NPAS3: variants seen among roughly 807,000 people sequenced by gnomAD.
The protein encoded by NPAS3 is neuronal PAS domain-containing protein 3.
NPAS3 carries 14 observed loss-of-function variants against 73.1 expected under a neutral mutation model. That is an observed-to-expected ratio of 0.19 (90% CI 0.13 to 0.30). The LOEUF (loss-of-function observed/expected upper bound fraction) is 0.30. Among genes scored for constraint, NPAS3 ranks in the 10% least tolerant of loss-of-function variants. NPAS3 has a pLI of 1.00. For synonymous variants in NPAS3, 620 were observed against 541.5 expected (o/e 1.14, Z -2.01); for missense variants, 1,096 against 1,250.0 (o/e 0.88, Z 1.86).
At chr14:33,381,072 C>G (rs1185630098) in intron 4 of NPAS3, among the ~76,000 whole-genome samples, 1 of 151,478 alleles carries the variant, frequency 6.6e-6, no homozygotes, top group African/African-American at 2.4e-5. Context: ...ATATCAATGA[C>G]TATTTTAATT....
intron 2 of NPAS3, among the ~76,000 whole-genome samples, chr14:33,148,986 G>GGGCCT (rs1461939475): frequency 6.6e-6 from 1 of 152,102 alleles, no homozygotes; most frequent in Admixed American, 6.5e-5. Context: ...GCGAGCCACC[G>GGGCCT]GGCCTGGCCT....
At chr14:33,069,574 T>C (rs1423888481) in intron 2 of NPAS3, among the ~76,000 whole-genome samples, 1 of 152,184 alleles carries the variant, frequency 6.6e-6, no homozygotes, top group East Asian at 1.9e-4. Context: ...CTTGAACAAG[T>C]TACTTAAGCT....
intron 2 of NPAS3, among the ~76,000 whole-genome samples, chr14:33,204,548 C>G (rs1336862174): frequency 6.6e-6 from 1 of 152,072 alleles, no homozygotes; most frequent in African/African-American, 2.4e-5. Flanking sequence ...TATACGTTTT[C>G]TCCTCCGTAA....
intron 1 of NPAS3, among the ~76,000 whole-genome samples, chr14:33,012,930 G>T (rs780778553): frequency 3.9e-5 from 6 of 152,156 alleles, no homozygotes; most frequent in Non-Finnish European, 7.4e-5. Flanking sequence ...CAGATTTGTT[G>T]ATTAGTATCA....
chr14:33,680,560 A>C, intron 6 of NPAS3: 1 of 700,294 alleles, frequency 1.4e-6, no homozygotes, highest in Non-Finnish European at 2.6e-6. Flanking sequence ...TAGCTTTTTC[A>C]TTTTCATGTT....
intron 3 of NPAS3, among the ~76,000 whole-genome samples, chr14:33,303,576 A>G (rs1477796457): frequency 3.3e-5 from 5 of 152,114 alleles, no homozygotes; most frequent in Non-Finnish European, 7.4e-5. Flanking sequence ...TTGGGGAACA[A>G]TGGAAGATGG....
At chr14:33,196,654 A>C (rs1299838989) in intron 2 of NPAS3, among the ~76,000 whole-genome samples, 1 of 152,240 alleles carries the variant, frequency 6.6e-6, no homozygotes, top group Non-Finnish European at 1.5e-5. Context: ...ATTGACATAG[A>C]ATAAAGAGAC....
At chr14:33,134,396 T>G (rs192372289) in intron 2 of NPAS3, among the ~76,000 whole-genome samples, 6 of 152,276 alleles carry the variant, frequency 3.9e-5, no homozygotes, top group Admixed American at 3.9e-4. Context: ...TGAGGGAATT[T>G]TCATCCTTAA....
chr14:33,788,510 A>T (rs1479050773), intron 9 of NPAS3, among the ~76,000 whole-genome samples: 4 of 152,200 alleles, frequency 2.6e-5, no homozygotes, highest in African/African-American at 9.7e-5. Context: ...ACCGCTTTTG[A>T]TATGTGTTCT....
intron 3 of NPAS3, among the ~76,000 whole-genome samples, chr14:33,354,934 CCT>C (rs1371739786): frequency 4.6e-5 from 7 of 152,280 alleles, no homozygotes; most frequent in Non-Finnish European, 8.8e-5. Flanking sequence ...ACAGTTCCAC[CCT>C]CTGCACCGTG....
chr14:33,373,621 G>T (rs566216963), intron 4 of NPAS3, among the ~76,000 whole-genome samples: 4 of 152,186 alleles, frequency 2.6e-5, no homozygotes, highest in Admixed American at 6.5e-5. Context: ...AGAATAAAAA[G>T]AATGTTCTGT....
At chr14:33,373,489 T>C (rs1176877988) in intron 4 of NPAS3, among the ~76,000 whole-genome samples, 1 of 152,098 alleles carries the variant, frequency 6.6e-6, no homozygotes, top group Non-Finnish European at 1.5e-5. Flanking sequence ...AGATAGTCTT[T>C]ATTCATCACT....
intron 9 of NPAS3, among the ~76,000 whole-genome samples, chr14:33,783,006 G>A (rs1443083658): frequency 6.6e-6 from 1 of 152,106 alleles, no homozygotes; most frequent in Non-Finnish European, 1.5e-5. Flanking sequence ...GCTTAATGCG[G>A]GACTAATTAG....
In NPAS3 at chr14:33,578,736, A is replaced by G. The variant is rs372115479; in HGVS notation, c.558+18526A>G. Among the ~76,000 whole-genome samples the G allele has an allele frequency of 3.9e-5, 6 of 152,256 alleles. No individual in the cohort carries two copies. In the South Asian group the frequency reaches 8.3e-4, roughly 21 times the overall value. ...CTGTTTCAGTCTTCCACTTTAATCAACCAAGAGGAGGCATGACTAGGATCA... is the reference window on the plus strand; with the variant it reads ...CTGTTTCAGTCTTCCACTTTAATCAGCCAAGAGGAGGCATGACTAGGATCA... On this transcript the variant is annotated intron_variant, in intron 5 of 11. Coordinates refer to ENST00000356141, the Ensembl canonical transcript of NPAS3.
chr14:33,615,826 C>G (rs1352236750), intron 5 of NPAS3, among the ~76,000 whole-genome samples: 1 of 152,158 alleles, frequency 6.6e-6, no homozygotes, highest in Non-Finnish European at 1.5e-5. Context: ...CCCTACATAT[C>G]AACCTAGTTT....
At chr14:32,935,599 G>A (rs753057451), upstream of NPAS3, among the ~76,000 whole-genome samples, 4 of 152,150 alleles carry the variant, frequency 2.6e-5, no homozygotes, top group Non-Finnish European at 4.4e-5. Flanking sequence ...TAAGATTCAG[G>A]GATACAAGTT....
At chr14:33,715,203 C>T (rs1213098505) in intron 6 of NPAS3, among the ~76,000 whole-genome samples, 1 of 152,146 alleles carries the variant, frequency 6.6e-6, no homozygotes, top group Non-Finnish European at 1.5e-5. Flanking sequence ...CAGTTTCTGG[C>T]TTGTGTTTGT....
intron 6 of NPAS3, among the ~76,000 whole-genome samples, chr14:33,712,823 T>C (rs1180007039): frequency 6.6e-6 from 1 of 152,092 alleles, no homozygotes; most frequent in East Asian, 1.9e-4. Context: ...GTAAACAAGG[T>C]ATAGCACATG....
chr14:33,453,439 G>A (rs2049890696), intron 4 of NPAS3, among the ~76,000 whole-genome samples: 1 of 152,184 alleles, frequency 6.6e-6, no homozygotes, highest in African/African-American at 2.4e-5. Flanking sequence ...AAAGGGCTTT[G>A]TGGGTTTTTT....
Sources: allele counts gnomAD v4.1 joint callset (sites outside exome capture counted in the v4.1 genomes callset), GRCh38; gene constraint gnomAD v4.1.1; transcripts MANE v1.5; gene names NCBI Gene and HGNC (gene_info 2026-07-23, HGNC 2026-07-21).